Variants in LAMTOR1 observed in about 807,000 individuals in gnomAD.
LAMTOR1 encodes the protein late endosomal/lysosomal adaptor, MAPK and MTOR activator 1, also known as ragulator complex protein LAMTOR1.
A neutral mutation model predicts 20.5 loss-of-function variants in LAMTOR1; 8 were observed. The ratio of observed to expected loss-of-function variants is 0.39; its 90% CI spans 0.23 to 0.70. The LOEUF is 0.70. Ranked by LOEUF, LAMTOR1 falls within the 30% of genes least tolerant of loss-of-function variation. LAMTOR1 has a pLI of 0.43. For missense variants in LAMTOR1, 135 were observed against 206.2 expected (o/e 0.65, Z 2.11); for synonymous variants, 77 against 80.9 (o/e 0.95, Z 0.26).
intron 3 of LAMTOR1, 62 bp downstream of exon 3, chr11:72,098,719 G>T (rs1306007970): frequency 2.4e-6 from 3 of 1,241,610 alleles, no homozygotes; most frequent in African/African-American, 1.5e-5. Context: ...TCCAAAGCTG[G>T]AACAGTGATG....
rs200043770 is a variant in LAMTOR1, at chr11:72,099,140, C to G, written c.159G>C (p.Leu53=). Residue 53 remains leucine, a synonymous_variant, in exon 2 of 5, where the codon CTG becomes CTC. Coordinates refer to ENST00000278671, the MANE Select transcript of LAMTOR1 (RefSeq NM_017907.3). The part of the protein sequence containing the change: ...LPSARTDEQA[L]LSSILAKTAS... ...CTGTCTTGGCAAGGATGGAAGAGAGCAGGGCCTGCTCATCAGTGCGAGCGG... is the reference window on the plus strand; with the variant it reads ...CTGTCTTGGCAAGGATGGAAGAGAGGAGGGCCTGCTCATCAGTGCGAGCGG... The G allele has an allele frequency of 6.8e-6, 11 of 1,613,978 alleles. No individual in the cohort carries two copies. In the Admixed American group the frequency reaches 1.7e-4, roughly 24 times the overall value.
chr11:72,098,040 G>A, intron 4 of LAMTOR1, 126 bp from the exon 5 acceptor site: 1 of 1,226,258 alleles, frequency 8.2e-7, no homozygotes, highest in South Asian at 1.5e-5. Flanking sequence ...GGAAGGCAAA[G>A]AGAAAGACAG....
chr11:72,098,394 G>A lies in LAMTOR1; in HGVS notation c.288C>T (p.Ser96=). ...GCTTCTTCCAATGGGTCAGGCTGCT[G>A]CTCAGCACAGCCAAGCGGGTGCTGA... is the stretch of plus-strand genomic sequence containing the variant. ...RQYSTRLAVL[S]SSLTHWKKLP... The change falls in exon 4 of 5, where the codon AGC becomes AGT. Residue 96 remains serine, a synonymous_variant. Transcript: ENST00000278671. The A allele has an allele frequency of 1.2e-6, 2 of 1,612,080 alleles. No individual in the cohort carries two copies.
In LAMTOR1 at chr11:72,099,040, T is replaced by G. The variant is rs1165220795; in HGVS notation, c.188+71A>C. ...TGTCCCATCCCCCATGTCCTGAGCC[T>G]GGCTCCTTCTATCCTAGCCTTTAAT... On this transcript the variant is annotated intron_variant, in intron 2 of 4. Transcript: ENST00000278671. 8.9e-6 allele frequency: 14 copies of G among 1,581,568 alleles called. 1 individual carries two copies. The highest frequency in any genetic ancestry group is 1.7e-5 in the Admixed American group (1 of 58,374).
chr11:72,098,700 G>T, intron 3 of LAMTOR1, 81 bp downstream of exon 3: 1 of 1,068,586 alleles, frequency 9.4e-7, no homozygotes. Context: ...CTTGGACTAG[G>T]GGCCAGGCTC....
At position 72,098,170 on chromosome 11, in the gene LAMTOR1, G is replaced by A. The variant is rs2135152525; in HGVS notation, c.393+119C>T. The A allele has an allele frequency of 3.7e-6, 5 of 1,346,004 alleles. No individual in the cohort carries two copies. In the Admixed American group the frequency reaches 8.7e-5, roughly 23 times the overall value. The allele number at this position is 1,346,004 out of a possible 1,614,324, so 83.4% of individuals were successfully genotyped here. A position where few individuals can be genotyped will look rare whatever the true frequency, so the allele number is the denominator to read the frequency against. ...GGTGGGAGGGAGCTGGGGCCTACAAGGCTACCAGGCTCCCTAACTCCACCT... is the reference window on the plus strand; with the variant it reads ...GGTGGGAGGGAGCTGGGGCCTACAAAGCTACCAGGCTCCCTAACTCCACCT... On this transcript the variant is annotated intron_variant, in intron 4 of 4. Transcript: ENST00000278671.
chr11:72,098,921 G>T, intron 2 of LAMTOR1, 63 bp from the exon 3 acceptor site: 1 of 1,430,804 alleles, frequency 7.0e-7, no homozygotes. Context: ...ACAGGACTCA[G>T]TGCCAGGTAC....
chr11:72,102,539 C>T (rs1205193281), intron 1 of LAMTOR1, among the ~76,000 whole-genome samples: 1 of 152,216 alleles, frequency 6.6e-6, no homozygotes, highest in Non-Finnish European at 1.5e-5. Context: ...AAACTCAGAA[C>T]CAAATGAACT....
chr11:72,100,278 C>T (rs765190107), intron 1 of LAMTOR1, among the ~76,000 whole-genome samples: 7 of 152,072 alleles, frequency 4.6e-5, no homozygotes, highest in Non-Finnish European at 7.4e-5. Context: ...ACAACAATGG[C>T]GCTGTTCCCT....
At chr11:72,103,147 G>T (rs1176696133) in intron 1 of LAMTOR1, 36 bp downstream of exon 1, 7 of 1,574,066 alleles carry the variant, frequency 4.4e-6, no homozygotes, top group African/African-American at 1.4e-5. Flanking sequence ...CAGTGTCTTA[G>T]CCCTCATTCC....
At chr11:72,098,044 AAGAC>A in intron 4 of LAMTOR1, 130 bp from the exon 5 acceptor site, 4 of 1,206,506 alleles carry the variant, frequency 3.3e-6, no homozygotes, top group South Asian at 3.0e-5. Context: ...GGCAAAGAGA[AAGAC>A]AGGGATGGGA....
Position 72,097,574 on chromosome 11 carries a change from A to T in LAMTOR1, c.*248T>A, listed in dbSNP as rs1345655508. 2 of 1,317,778 alleles carry T rather than the reference A, an allele frequency of 1.5e-6. No homozygotes were observed. The highest frequency in any genetic ancestry group is 1.9e-6 in the Non-Finnish European group (2 of 1,027,682). 81.6% of individuals were successfully genotyped at this position (1,317,778 alleles called of 1,614,324 possible). On this transcript the variant is annotated 3_prime_UTR_variant, in exon 5 of 5. Coordinates refer to ENST00000278671, the MANE Select transcript of LAMTOR1 (RefSeq NM_017907.3). ...ATCTCCACATTCTCAATGACTATGA[A>T]GACATACCAGGCTCTGTCCTTTTGG...
intron 3 of LAMTOR1, 22 bp from the exon 4 acceptor site, chr11:72,098,437 G>C (rs1423323630): frequency 1.9e-6 from 3 of 1,602,008 alleles, no homozygotes; most frequent in Non-Finnish European, 2.6e-6. Context: ...AGAGGGGGTG[G>C]GGGTAGGCAG....
intron 1 of LAMTOR1, among the ~76,000 whole-genome samples, chr11:72,099,977 C>CTG (rs2135160340): frequency 6.6e-6 from 1 of 152,268 alleles, no homozygotes; most frequent in African/African-American, 2.4e-5. Flanking sequence ...AGCAGTACAG[C>CTG]TGTAGCCATG....
intron 1 of LAMTOR1, 124 bp downstream of exon 1, chr11:72,103,059 C>T (rs1945506609): frequency 7.8e-7 from 1 of 1,278,798 alleles, no homozygotes. Context: ...TAATCTGTCC[C>T]CTCCAGGCCT....
In LAMTOR1 at chr11:72,097,852, C is replaced by CTCTTTTGCG; in HGVS notation, c.447_455dup (p.Asp149_Lys151dup). ...GGATCCCAAACTGTACAACCAGCTC[C>CTCTTTTGCG]TCTTTTGCGTCCACACGGATCTGAG... On this transcript the variant is annotated inframe_insertion, in exon 5 of 5. Coordinates refer to ENST00000278671, the MANE Select transcript of LAMTOR1 (RefSeq NM_017907.3). 2 of 1,613,530 alleles carry CTCTTTTGCG rather than the reference C, an allele frequency of 1.2e-6. No homozygotes were observed. The highest frequency in any genetic ancestry group is 1.7e-6 in the Non-Finnish European group (2 of 1,179,552).
At position 72,103,275 on chromosome 11, in the gene LAMTOR1, G is replaced by C; in HGVS notation, c.-51C>G. 6.5e-7 allele frequency: 1 copy of C among 1,541,928 alleles called. No homozygotes were observed. On this transcript the variant is annotated 5_prime_UTR_variant, in exon 1 of 5. Coordinates refer to ENST00000278671, the MANE Select transcript of LAMTOR1 (RefSeq NM_017907.3). ...GCCGCGCCGAGGAGGGACGGCGTCC[G>C]TGAGGAGCCCTTCCGGTCACATGAC...
At chr11:72,100,535 A>C (rs945437982) in intron 1 of LAMTOR1, 3 of 152,250 alleles carry the variant, frequency 2.0e-5, no homozygotes, top group African/African-American at 7.2e-5. Context: ...TGAGAAAAAC[A>C]GACCTGCTGG....
rs1307327046 is a variant in LAMTOR1 at position 72,099,079 on chromosome 11, C to T, written c.188+32G>A. 6.2e-6 allele frequency: 10 copies of T among 1,609,802 alleles called. No individual in the cohort carries two copies. The South Asian group carries it at 1.0e-4, about 16-fold the overall frequency. ...CTAGCCTTTAATATGGATAGAGGAG[C>T]TCTGACCCAGGCCTGGTCCTCTGAC... On this transcript the variant is annotated intron_variant, in intron 2 of 4. Coordinates refer to ENST00000278671, the MANE Select transcript of LAMTOR1 (RefSeq NM_017907.3).
Sources: allele counts gnomAD v4.1 joint callset (sites outside exome capture counted in the v4.1 genomes callset), GRCh38; gene constraint gnomAD v4.1.1; transcripts MANE v1.5; gene names NCBI Gene and HGNC (gene_info 2026-07-23, HGNC 2026-07-21).